CADPS: variants seen among roughly 807,000 people sequenced by gnomAD.
The protein encoded by CADPS is calcium dependent secretion activator.
In CADPS, 57 loss-of-function variants were observed where a neutral mutation model predicts 167.3. That is an observed-to-expected ratio of 0.34 (90% CI 0.28 to 0.42). CADPS has a LOEUF of 0.42. Among genes scored for constraint, CADPS ranks in the 20% least tolerant of loss-of-function variants. CADPS has a pLI of 1.00. For synonymous variants in CADPS, 676 were observed against 635.3 expected, an observed-to-expected ratio of 1.06 and a Z score of -0.96; for missense variants, 1,414 against 1,738.1, an observed-to-expected ratio of 0.81 and a Z score of 3.32.
At chr3:62,810,320 T>A (rs183797246) in intron 1 of CADPS, among the ~76,000 whole-genome samples, 14 of 152,288 alleles carry the variant, frequency 9.2e-5, no homozygotes, top group African/African-American at 3.4e-4. Flanking sequence ...AGCAATTTTA[T>A]TCACATAATC....
At chr3:62,515,577 T>G (rs570954062) in intron 16 of CADPS, among the ~76,000 whole-genome samples, 1 of 152,202 alleles carries the variant, frequency 6.6e-6, no homozygotes, top group East Asian at 1.9e-4. Flanking sequence ...CCATCGAGCT[T>G]GAAGCACTAC....
intron 5 of CADPS, among the ~76,000 whole-genome samples, chr3:62,648,500 G>A (rs1425313013): frequency 2.0e-5 from 3 of 151,672 alleles, no homozygotes; most frequent in Non-Finnish European, 4.4e-5. Context: ...TGAACAACAT[G>A]GCAAAACCCC....
intron 4 of CADPS, among the ~76,000 whole-genome samples, chr3:62,657,811 C>G (rs2072083016): frequency 6.6e-6 from 1 of 151,958 alleles, no homozygotes; most frequent in South Asian, 2.1e-4. Context: ...TCCCTTCCCT[C>G]CTAGGAAGAG....
chr3:62,825,660 C>G (rs1014348015), intron 1 of CADPS, among the ~76,000 whole-genome samples: 1 of 152,184 alleles, frequency 6.6e-6, no homozygotes, highest in Non-Finnish European at 1.5e-5. Context: ...GATTTAAACT[C>G]CAATTGTTCC....
chr3:62,773,165 C>T (rs1006340766), intron 1 of CADPS, among the ~76,000 whole-genome samples: 2 of 151,708 alleles, frequency 1.3e-5, no homozygotes, highest in Non-Finnish European at 2.9e-5. Flanking sequence ...TTATATTGGG[C>T]CATGAATTTT....
In CADPS at chr3:62,412,216, C is replaced by G. The variant is rs896590073; in HGVS notation, c.3778-9031G>C. Among the ~76,000 whole-genome samples the G allele has an allele frequency of 3.4e-5, 5 of 147,234 alleles. No homozygotes were observed. The highest frequency in any genetic ancestry group is 6.9e-5 in the Admixed American group (1 of 14,530). Reference sequence around the variant, plus strand: ...AAAACCCATGCCACTGAAGTCTTTACAAAGCTATCAGTGCTGTGGCTTTTC... The same window carrying G: ...AAAACCCATGCCACTGAAGTCTTTAGAAAGCTATCAGTGCTGTGGCTTTTC... On this transcript the variant is annotated intron_variant, in intron 28 of 29. Coordinates refer to ENST00000383710, the MANE Select transcript of CADPS (RefSeq NM_003716.4). This position sits in a 1 kb window ranked among gnomAD's most constrained non-coding sequence, Gnocchi z 4.1.
At chr3:62,768,298 C>T (rs1482333066) in intron 1 of CADPS, among the ~76,000 whole-genome samples, 2 of 152,176 alleles carry the variant, frequency 1.3e-5, no homozygotes, top group South Asian at 2.1e-4. Flanking sequence ...CAAGGCATCT[C>T]ACAGGATTTC....
At chr3:62,718,356 GA>G (rs2075088384) in intron 3 of CADPS, among the ~76,000 whole-genome samples, 1 of 152,098 alleles carries the variant, frequency 6.6e-6, no homozygotes, top group African/African-American at 2.4e-5. Flanking sequence ...TATGAACCAG[GA>G]ACTTTCTTCT....
chr3:62,852,730 T>C (rs1222664664), intron 1 of CADPS, among the ~76,000 whole-genome samples: 1 of 152,188 alleles, frequency 6.6e-6, no homozygotes, highest in African/African-American at 2.4e-5. Context: ...AGGAACATTA[T>C]CAGGCCTCAG....
intron 3 of CADPS, among the ~76,000 whole-genome samples, chr3:62,739,864 G>A (rs147118484): frequency 2.6e-5 from 4 of 152,252 alleles, no homozygotes; most frequent in African/African-American, 9.6e-5. Context: ...CCACAGTAAA[G>A]AGAGGTTGGT....
At chr3:62,529,213 T>G (rs1477300016) in intron 13 of CADPS, among the ~76,000 whole-genome samples, 1 of 152,186 alleles carries the variant, frequency 6.6e-6, no homozygotes, top group Non-Finnish European at 1.5e-5. Context: ...GTTACACAAT[T>G]GCTACTTAAT....
chr3:62,539,509 T>C (rs2075329738), intron 11 of CADPS, among the ~76,000 whole-genome samples: 1 of 150,844 alleles, frequency 6.6e-6, no homozygotes, highest in Non-Finnish European at 1.5e-5. Flanking sequence ...TTATATTTAC[T>C]GAGCTTATTA....
chr3:62,492,429 T>G lies in CADPS; in HGVS notation c.2745A>C (p.Ser915=). The G allele has an allele frequency of 6.2e-7, 1 of 1,613,800 alleles. No individual in the cohort carries two copies. The highest frequency in any genetic ancestry group is 8.5e-7 in the Non-Finnish European group (1 of 1,179,782). Residue 915 remains serine, a synonymous_variant, in exon 20 of 30, where the codon TCA becomes TCC. Transcript: ENST00000383710. ...TCTCCGCATGCTCCACCATTAAATC[T>G]GACCACCACGCAAAGGCCTTTAAAA... ...VDKGEAFAWW[S]DLMVEHAETF... is the part of the protein sequence containing the mutation.
At chr3:62,556,813 G>C (rs2078227097) in intron 10 of CADPS, among the ~76,000 whole-genome samples, 1 of 151,844 alleles carries the variant, frequency 6.6e-6, no homozygotes, top group Admixed American at 6.6e-5. Flanking sequence ...AGGCTTAAGG[G>C]CTTCATTGTC....
chr3:62,407,171 T>G (rs1392392223), intron 28 of CADPS, among the ~76,000 whole-genome samples: 2 of 152,162 alleles, frequency 1.3e-5, no homozygotes, highest in African/African-American at 4.8e-5. Flanking sequence ...ATCATCTTTC[T>G]TCTCTTTTTT....
chr3:62,802,363 A>C (rs1039495562), intron 1 of CADPS, among the ~76,000 whole-genome samples: 2 of 152,102 alleles, frequency 1.3e-5, no homozygotes, highest in Non-Finnish European at 2.9e-5. Context: ...CTTTGCCCGG[A>C]ATGTTTTCCT....
chr3:62,432,972 G>A (rs2054267066), intron 28 of CADPS, among the ~76,000 whole-genome samples: 2 of 152,072 alleles, frequency 1.3e-5, no homozygotes, highest in South Asian at 4.2e-4. Context: ...TTGTGTTAGT[G>A]AATCCTATGC....
intron 27 of CADPS, 80 bp downstream of exon 27, chr3:62,445,685 A>G (rs2057087730): frequency 9.1e-7 from 1 of 1,099,158 alleles, no homozygotes; most frequent in Non-Finnish European, 1.3e-6. Flanking sequence ...CACTATCAAA[A>G]TTCTCATGAA....
chr3:62,737,567 T>A (rs1034984155), intron 3 of CADPS, among the ~76,000 whole-genome samples: 1 of 152,126 alleles, frequency 6.6e-6, no homozygotes, highest in Non-Finnish European at 1.5e-5. Flanking sequence ...GCAAATCAGA[T>A]CTGTCAGTCT....
Sources: allele counts gnomAD v4.1 joint callset (sites outside exome capture counted in the v4.1 genomes callset), GRCh38; gene constraint gnomAD v4.1.1; non-coding constraint Gnocchi (gnomAD v3.1); transcripts MANE v1.5; gene names NCBI Gene and HGNC (gene_info 2026-07-23, HGNC 2026-07-21).